The following CHST8 variants were observed in gnomAD, a reference collection of about 807,000 sequenced individuals.
CHST8 encodes the protein carbohydrate sulfotransferase 8, also known as GALNAC-4-ST1.
In CHST8, 10 loss-of-function variants were observed where a neutral mutation model predicts 15.0. The observed-to-expected ratio is 0.67, with a 90% CI of 0.41 to 1.13. The LOEUF is 1.13. Ranked by LOEUF, CHST8 falls within the 50% of genes most tolerant of loss-of-function variation. CHST8 has a pLI of 0.00. For missense variants in CHST8, 634 were observed against 608.2 expected (o/e 1.04, Z -0.45); for synonymous variants, 259 against 256.6 (o/e 1.01, Z -0.09).
chr19:33,626,518 G>A (rs1972055379), intron 1 of CHST8, among the ~76,000 whole-genome samples: 1 of 152,228 alleles, frequency 6.6e-6, no homozygotes, highest in Non-Finnish European at 1.5e-5. Flanking sequence ...GTGGGAGGTA[G>A]GTCATGGGGG....
At chr19:33,759,518 C>G (rs1453612338) in intron 3 of CHST8, among the ~76,000 whole-genome samples, 1 of 152,150 alleles carries the variant, frequency 6.6e-6, no homozygotes, top group South Asian at 2.1e-4. Flanking sequence ...CCCCTCTTTC[C>G]CTGAGAAGTG....
chr19:33,641,187 T>G (rs1486406800), intron 1 of CHST8, among the ~76,000 whole-genome samples: 1 of 152,158 alleles, frequency 6.6e-6, no homozygotes, highest in African/African-American at 2.4e-5. Context: ...CAAACCTGTC[T>G]GCACCGTCCA....
At chr19:33,663,486 G>A (rs1327527337) in intron 1 of CHST8, among the ~76,000 whole-genome samples, 1 of 152,170 alleles carries the variant, frequency 6.6e-6, no homozygotes, top group Non-Finnish European at 1.5e-5. Flanking sequence ...AATCACCTGA[G>A]CCCAGGAAGT....
chr19:33,749,666 C>A (rs1040163160), intron 3 of CHST8, among the ~76,000 whole-genome samples: 5 of 151,942 alleles, frequency 3.3e-5, no homozygotes, highest in African/African-American at 9.7e-5. Context: ...GTCCTGCAGC[C>A]CTCAGTCTTA....
intron 2 of CHST8, among the ~76,000 whole-genome samples, chr19:33,678,408 G>T (rs886575730): frequency 7.9e-5 from 12 of 152,158 alleles, no homozygotes; most frequent in African/African-American, 2.4e-4. Flanking sequence ...CATTGGGAGA[G>T]ACCAGCCTGT....
At chr19:33,685,124 C>A (rs1380372703) in intron 2 of CHST8, 1 of 152,236 alleles carries the variant, frequency 6.6e-6, no homozygotes, top group East Asian at 1.9e-4. Flanking sequence ...GCGTCCAGGC[C>A]CAGAAGCAGC....
intron 3 of CHST8, among the ~76,000 whole-genome samples, chr19:33,744,140 A>G (rs1396650422): frequency 2.0e-5 from 3 of 152,112 alleles, no homozygotes; most frequent in Non-Finnish European, 2.9e-5. Context: ...GTCAAGGTCT[A>G]TGTGTACTCT....
chr19:33,655,454 A>C (rs1408448516), intron 1 of CHST8, among the ~76,000 whole-genome samples: 1 of 152,208 alleles, frequency 6.6e-6, no homozygotes, highest in Non-Finnish European at 1.5e-5. Flanking sequence ...TGTTATTCAT[A>C]AAATTAATTA....
At chr19:33,762,860 C>CTTTTT (rs1568361568) in intron 3 of CHST8, among the ~76,000 whole-genome samples, 1 of 126,204 alleles carries the variant, frequency 7.9e-6, no homozygotes, top group Non-Finnish European at 1.7e-5. Flanking sequence ...GCTCAGTTTT[C>CTTTTT]TCTCTTTTTT....
At chr19:33,757,510 GAAA>G (rs1974606800) in intron 3 of CHST8, among the ~76,000 whole-genome samples, 5 of 48,978 alleles carry the variant, frequency 1.0e-4, no homozygotes, top group African/African-American at 2.8e-4. Flanking sequence ...AAGAAAGAAA[GAAA>G]GAAAGAAAGA....
At chr19:33,694,169 CATATATATATATATATAT>C (rs397842550) in intron 3 of CHST8, among the ~76,000 whole-genome samples, 4,140 of 40,142 alleles carry the variant, frequency 0.1, 218 homozygotes, top group Middle Eastern at 0.17. Flanking sequence ...GTAGTTTATT[CATATATATATATATATAT>C]ATATATATAT....
At position 33,685,678 on chromosome 19, in the gene CHST8, CCCCCAGCCTTCCAGG is replaced by C. The variant is rs761947992; in HGVS notation, c.-86-3488_-86-3474del. Among the ~76,000 whole-genome samples the C allele has an allele frequency of 1.4e-3, 211 of 152,262 alleles. 2 individuals carry two copies. Among genetic ancestry groups the C allele is most frequent in the Middle Eastern group, 0.01 (3 of 294 alleles). ...GCCTGTGACTGTGTTTATGCCTCAT[CCCCCAGCCTTCCAGG>C]CCCCAGCCTGTGACAGATGGTGGTG... On this transcript the variant is annotated intron_variant, in intron 2 of 4. Transcript: ENST00000650847.
intron 1 of CHST8, among the ~76,000 whole-genome samples, chr19:33,634,624 C>T (rs1465890396): frequency 6.7e-6 from 1 of 148,240 alleles, no homozygotes; most frequent in African/African-American, 2.5e-5. Flanking sequence ...ATCAGACAGC[C>T]CTTGACCCAT....
chr19:33,723,673 T>C (rs925346791), intron 3 of CHST8, among the ~76,000 whole-genome samples: 18 of 152,192 alleles, frequency 1.2e-4, no homozygotes, highest in African/African-American at 4.3e-4. Context: ...AACATTTCAA[T>C]TGCAAGGGAC....
chr19:33,689,352 C>G lies in CHST8; in HGVS notation c.91C>G (p.Leu31Val). 2 of 1,608,340 alleles carry G rather than the reference C, an allele frequency of 1.2e-6. No individual in the cohort carries two copies. Among genetic ancestry groups the G allele is most frequent in the East Asian group, 2.2e-5 (1 of 44,526 alleles). The part of the protein sequence containing the change: ...GAAGLLLFIS[L>V]QDPTELAPQQ... ...TGCAGGCCTCCTCCTCTTCATCAGCCTGCAGGACCCTACGGAGCTCGCCCC... is the reference window on the plus strand; with the variant it reads ...TGCAGGCCTCCTCCTCTTCATCAGCGTGCAGGACCCTACGGAGCTCGCCCC... Residue 31 changes from leucine (L) to valine (V), a missense_variant, in exon 3 of 5, where the codon CTG becomes GTG. By Grantham distance (32) the Leu-to-Val change is conservative. Transcript: ENST00000650847.
At chr19:33,652,987 G>T (rs1361199925) in intron 1 of CHST8, among the ~76,000 whole-genome samples, 3 of 152,072 alleles carry the variant, frequency 2.0e-5, no homozygotes, top group African/African-American at 7.2e-5. Flanking sequence ...ATCTTTTGTT[G>T]TCTAATTATA....
chr19:33,627,499 G>A (rs189142398), intron 1 of CHST8, among the ~76,000 whole-genome samples: 47 of 152,214 alleles, frequency 3.1e-4, no homozygotes, highest in South Asian at 6.2e-4. Context: ...CCTGGGGCTG[G>A]GGGCAGCAGA....
At chr19:33,726,449 A>G (rs1568344564) in intron 3 of CHST8, among the ~76,000 whole-genome samples, 1 of 152,134 alleles carries the variant, frequency 6.6e-6, no homozygotes, top group African/African-American at 2.4e-5. Flanking sequence ...CCAGCTACTC[A>G]GGGGCTTGAG....
chr19:33,643,293 A>C (rs547253104), intron 1 of CHST8, among the ~76,000 whole-genome samples: 29 of 152,226 alleles, frequency 1.9e-4, no homozygotes, highest in Non-Finnish European at 4.0e-4. Context: ...GAGGGGCGTG[A>C]TTATTGCCTT....
Sources: gnomAD v4.1 joint callset for allele counts (sites outside exome capture counted in the v4.1 genomes callset) on GRCh38, gnomAD v4.1.1 for gene constraint, MANE v1.5 for transcripts, NCBI Gene and HGNC (gene_info 2026-07-23, HGNC 2026-07-21) for gene names.